The following PTPRG variants were observed in gnomAD, a reference collection of about 807,000 sequenced individuals.
The protein encoded by PTPRG is receptor-type tyrosine-protein phosphatase gamma.
Under a neutral mutation model 165.3 loss-of-function variants are expected in PTPRG, and 102 were observed. The observed-to-expected ratio is 0.62, with a 90% CI of 0.53 to 0.73. PTPRG has a LOEUF of 0.73. PTPRG is among the 30% of genes least tolerant of loss of function. The probability of loss-of-function intolerance (pLI) is 0.00; values close to 1 mark genes in which losing one functional copy is unlikely to be tolerated. For synonymous variants in PTPRG, 675 were observed against 669.5 expected, an observed-to-expected ratio of 1.01 and a Z score of -0.13; for missense variants, 1,866 against 1,861.4, an observed-to-expected ratio of 1.00 and a Z score of -0.05.
In PTPRG at chr3:62,219,352, T is replaced by G. The variant is rs1700594204; in HGVS notation, c.2288+369T>G. Among the ~76,000 whole-genome samples, 1 of 152,266 alleles carries G rather than the reference T, an allele frequency of 6.6e-6. No homozygotes were observed. Among genetic ancestry groups the G allele is most frequent in the South Asian group, 2.1e-4 (1 of 4,834 alleles). Reference sequence around the variant, plus strand: ...CAAGTCATAGCATTTGCAGTTTTTCTGAGATGATGCTTACTTTGTTGTAGT... The same window carrying G: ...CAAGTCATAGCATTTGCAGTTTTTCGGAGATGATGCTTACTTTGTTGTAGT... On this transcript the variant is annotated intron_variant, in intron 13 of 29. Coordinates refer to ENST00000474889, the MANE Select transcript of PTPRG (RefSeq NM_002841.4). This position sits in a 1 kb window ranked among gnomAD's most constrained non-coding sequence, Gnocchi z 4.5.
At chr3:61,612,401 G>A (rs1231306693) in intron 1 of PTPRG, among the ~76,000 whole-genome samples, 1 of 152,176 alleles carries the variant, frequency 6.6e-6, no homozygotes, top group East Asian at 1.9e-4. Flanking sequence ...CTGTTCTCTT[G>A]GATGACCTTT....
intron 6 of PTPRG, among the ~76,000 whole-genome samples, chr3:62,148,996 T>C (rs1006509017): frequency 3.9e-5 from 6 of 152,068 alleles, no homozygotes; most frequent in Non-Finnish European, 8.8e-5. Context: ...GACAAAAAAC[T>C]AGTGTCTTTG....
intron 12 of PTPRG, among the ~76,000 whole-genome samples, chr3:62,211,177 TA>T (rs1380600123): frequency 1.3e-5 from 2 of 152,202 alleles, no homozygotes; most frequent in Non-Finnish European, 2.9e-5. Context: ...GTTTAGCCTG[TA>T]AAAGGAACGA....
At position 62,074,215 on chromosome 3, in the gene PTPRG, AC is replaced by A. The variant is rs879863688; in HGVS notation, c.520-3947del. 7.0e-5 allele frequency among the ~76,000 whole-genome samples: 8 copies of A among 114,164 alleles called. No homozygotes were observed. In the East Asian group the frequency reaches 2.1e-3, roughly 30 times the overall value. 74.9% of individuals were successfully genotyped at this position (114,164 alleles called of 152,430 possible). On this transcript the variant is annotated intron_variant, in intron 4 of 29. Coordinates refer to ENST00000474889, the MANE Select transcript of PTPRG (RefSeq NM_002841.4). ...TGTGTGTGTGTGTGTGTGTGTGTAT[AC>A]AGAGAGAGCGCAAAAGAGGTATAGT...
chr3:61,622,257 G>A (rs1701480392), intron 1 of PTPRG, among the ~76,000 whole-genome samples: 1 of 152,100 alleles, frequency 6.6e-6, no homozygotes, highest in South Asian at 2.1e-4. Flanking sequence ...ACATTTTTGT[G>A]TTTAAGTTCT....
intron 1 of PTPRG, among the ~76,000 whole-genome samples, chr3:61,702,784 A>G (rs1575598739): frequency 6.6e-6 from 1 of 152,218 alleles, no homozygotes; most frequent in African/African-American, 2.4e-5. Flanking sequence ...TTTGCTCAAC[A>G]TAATGTCTAT....
intron 29 of PTPRG, 144 bp downstream of exon 29, chr3:62,292,700 A>C: frequency 4.7e-6 from 4 of 852,046 alleles, no homozygotes; most frequent in South Asian, 3.5e-5. Context: ...GCTTGTCACA[A>C]CTGCAGATGG....
chr3:61,941,226 C>G (rs1018741139), intron 2 of PTPRG, among the ~76,000 whole-genome samples: 2 of 152,272 alleles, frequency 1.3e-5, no homozygotes, highest in Non-Finnish European at 2.9e-5. Flanking sequence ...GTCCAACATG[C>G]TTCATCCATG....
chr3:61,795,206 G>T (rs771872134), intron 2 of PTPRG, among the ~76,000 whole-genome samples: 1 of 152,186 alleles, frequency 6.6e-6, no homozygotes, highest in African/African-American at 2.4e-5. Flanking sequence ...TGGGATTTCA[G>T]TCATGGTGAT....
intron 1 of PTPRG, among the ~76,000 whole-genome samples, chr3:61,595,675 T>C (rs966703575): frequency 1.3e-5 from 2 of 152,242 alleles, no homozygotes; most frequent in Non-Finnish European, 2.9e-5. Context: ...TCAAGCTCAG[T>C]GGGACTGTCT....
At chr3:61,779,754 A>C (rs2034490571) in intron 2 of PTPRG, among the ~76,000 whole-genome samples, 1 of 151,966 alleles carries the variant, frequency 6.6e-6, no homozygotes, top group Admixed American at 6.6e-5. Context: ...ACATTTTCTT[A>C]TTTTCAAGCA....
intron 5 of PTPRG, among the ~76,000 whole-genome samples, chr3:62,082,998 T>C (rs1039136656): frequency 1.3e-5 from 2 of 152,156 alleles, no homozygotes; most frequent in African/African-American, 2.4e-5. Flanking sequence ...AGAGTAAAGT[T>C]TGCTTTTAAA....
intron 1 of PTPRG, among the ~76,000 whole-genome samples, chr3:61,729,802 C>A (rs1388111162): frequency 6.6e-6 from 1 of 152,032 alleles, no homozygotes; most frequent in Non-Finnish European, 1.5e-5. Context: ...TACTCTCTTG[C>A]CTATTTAATG....
chr3:62,267,086 CAG>C (rs1364274600), intron 17 of PTPRG, among the ~76,000 whole-genome samples: 1 of 151,874 alleles, frequency 6.6e-6, no homozygotes, highest in Non-Finnish European at 1.5e-5. Flanking sequence ...GGGGAGGGAA[CAG>C]GGGCATAGGG....
intron 28 of PTPRG, among the ~76,000 whole-genome samples, chr3:62,290,111 A>G (rs1047089226): frequency 6.6e-6 from 1 of 152,152 alleles, no homozygotes; most frequent in African/African-American, 2.4e-5. Flanking sequence ...AAAGGAGGCC[A>G]TTAATAGGGG....
intron 2 of PTPRG, chr3:61,771,249 G>A (rs1338381094): frequency 6.6e-6 from 1 of 152,080 alleles, no homozygotes; most frequent in Non-Finnish European, 1.5e-5. Context: ...AGAGTTGTGT[G>A]TAGGTCAGAA....
intron 5 of PTPRG, among the ~76,000 whole-genome samples, chr3:62,080,235 A>ACTTTT (rs1701524117): frequency 6.8e-6 from 1 of 146,222 alleles, no homozygotes; most frequent in African/African-American, 2.5e-5. Context: ...TGCCCAGCTA[A>ACTTTT]TTTTTTTTTT....
At position 62,273,110 on chromosome 3, in the gene PTPRG, A is replaced by G; in HGVS notation, c.3318+29A>G. The G allele has an allele frequency of 1.3e-6, 2 of 1,580,444 alleles. No individual in the cohort carries two copies. The highest frequency in any genetic ancestry group is 1.7e-6 in the Non-Finnish European group (2 of 1,165,730). On this transcript the variant is annotated intron_variant, in intron 22 of 29. Transcript: ENST00000474889. The surrounding 1 kb of genome is among the most constrained non-coding windows in gnomAD (Gnocchi z 4.1). The stretch of plus-strand genomic sequence containing the variant: ...AGGAGTAGCTGCCAGCGTCCTCACG[A>G]CATTCTGGCAAATGCTGTAACTGAA...
chr3:61,923,350 C>T (rs912121634), intron 2 of PTPRG, among the ~76,000 whole-genome samples: 1 of 152,130 alleles, frequency 6.6e-6, no homozygotes, highest in Non-Finnish European at 1.5e-5. Flanking sequence ...CATATCTTTA[C>T]TTGCTCCGTG....
Sources: allele counts gnomAD v4.1 joint callset (sites outside exome capture counted in the v4.1 genomes callset), GRCh38; gene constraint gnomAD v4.1.1; non-coding constraint Gnocchi (gnomAD v3.1); transcripts MANE v1.5; gene names NCBI Gene and HGNC (gene_info 2026-07-23, HGNC 2026-07-21).